PCDH9: variants seen among roughly 807,000 people sequenced by gnomAD.
PCDH9 encodes protocadherin-9.
In PCDH9, 24 loss-of-function variants were observed where a neutral mutation model predicts 70.6. The ratio of observed to expected loss-of-function variants is 0.34; its 90% CI spans 0.25 to 0.48. The LOEUF is 0.48. PCDH9 is among the 20% of genes least tolerant of loss of function. PCDH9 has a pLI of 0.99. For missense variants in PCDH9, 1,281 were observed against 1,503.6 expected, an observed-to-expected ratio of 0.85 and a Z score of 2.45; for synonymous variants, 562 against 558.5, an observed-to-expected ratio of 1.01 and a Z score of -0.09.
intron 2 of PCDH9, among the ~76,000 whole-genome samples, chr13:67,030,271 C>T (rs987720639): frequency 6.6e-6 from 1 of 152,056 alleles, no homozygotes; most frequent in African/African-American, 2.4e-5. Context: ...TCTAGCAATT[C>T]AGAATTCTTA....
intron 4 of PCDH9, among the ~76,000 whole-genome samples, chr13:66,388,785 G>C (rs932658523): frequency 1.3e-5 from 2 of 151,912 alleles, no homozygotes; most frequent in Admixed American, 1.3e-4. Context: ...CACAAATGTG[G>C]TCAGGCAAGT....
intron 3 of PCDH9, among the ~76,000 whole-genome samples, chr13:66,654,860 C>T (rs1405522531): frequency 2.2e-5 from 3 of 136,950 alleles, no homozygotes; most frequent in African/African-American, 8.2e-5. Context: ...AGGGGTATGC[C>T]ACAATGCTCA....
At chr13:67,026,503 T>C (rs155012) in intron 2 of PCDH9, among the ~76,000 whole-genome samples, 147,088 of 152,114 alleles carry the variant, frequency 0.97, 71,313 homozygotes, top group East Asian at 1. Context: ...AAAACTGGCA[T>C]CAGACAGGGA....
intron 2 of PCDH9, among the ~76,000 whole-genome samples, chr13:67,176,512 A>G (rs2088462058): frequency 6.8e-6 from 1 of 147,042 alleles, no homozygotes; most frequent in South Asian, 2.1e-4. Context: ...GGTTTTCAAA[A>G]ATAAAAATAA....
intron 3 of PCDH9, among the ~76,000 whole-genome samples, chr13:66,752,817 T>C (rs2079481227): frequency 6.6e-6 from 1 of 152,200 alleles, no homozygotes; most frequent in Non-Finnish European, 1.5e-5. Flanking sequence ...TTAGACTTGA[T>C]GTTCAGAAAA....
At chr13:66,775,985 CCATGCAA>C (rs2079886052) in intron 3 of PCDH9, among the ~76,000 whole-genome samples, 1 of 152,138 alleles carries the variant, frequency 6.6e-6, no homozygotes, top group African/African-American at 2.4e-5. Flanking sequence ...GTTGGAGGCC[CCATGCAA>C]CTGCTTCTGC....
chr13:67,092,871 C>T (rs2086245384), intron 2 of PCDH9, among the ~76,000 whole-genome samples: 1 of 152,098 alleles, frequency 6.6e-6, no homozygotes, highest in Admixed American at 6.6e-5. Flanking sequence ...TTAAGCATTT[C>T]CGAGGCCCAG....
chr13:66,727,183 G>A (rs558116550), intron 3 of PCDH9, among the ~76,000 whole-genome samples: 1 of 152,208 alleles, frequency 6.6e-6, no homozygotes, highest in South Asian at 2.1e-4. Context: ...AATATCCCCT[G>A]AGCCCAGTCC....
chr13:67,071,468 T>C (rs1296481473), intron 2 of PCDH9, among the ~76,000 whole-genome samples: 1 of 152,170 alleles, frequency 6.6e-6, no homozygotes, highest in African/African-American at 2.4e-5. Context: ...TTTGGTACTA[T>C]CTATCAAAAC....
At chr13:66,960,074 G>C (rs917012586) in intron 2 of PCDH9, among the ~76,000 whole-genome samples, 1 of 152,148 alleles carries the variant, frequency 6.6e-6, no homozygotes, top group East Asian at 1.9e-4. Context: ...TGAAAGCTTT[G>C]TTTGCAAATT....
chr13:66,763,832 G>T (rs2079667132), intron 3 of PCDH9, among the ~76,000 whole-genome samples: 1 of 151,908 alleles, frequency 6.6e-6, no homozygotes, highest in Non-Finnish European at 1.5e-5. Flanking sequence ...GTCCTGATCT[G>T]TCATCCAGCA....
At chr13:66,947,895 G>C (rs1024417366) in intron 2 of PCDH9, among the ~76,000 whole-genome samples, 27 of 152,068 alleles carry the variant, frequency 1.8e-4, no homozygotes, top group African/African-American at 6.5e-4. Context: ...CAGTGAGTTG[G>C]ATGAACTGAA....
At chr13:66,505,713 A>G (rs1302143950) in intron 4 of PCDH9, among the ~76,000 whole-genome samples, 1 of 152,188 alleles carries the variant, frequency 6.6e-6, no homozygotes, top group Non-Finnish European at 1.5e-5. Flanking sequence ...CGAGAACAGC[A>G]CAGGAAAGAC....
chr13:66,574,980 C>T (rs1028245211), intron 4 of PCDH9, among the ~76,000 whole-genome samples: 1 of 152,074 alleles, frequency 6.6e-6, no homozygotes, highest in African/African-American at 2.4e-5. Context: ...CGAGACCAAC[C>T]TGGCCAACAT....
chr13:66,780,278 A>C (rs995022836), intron 3 of PCDH9, among the ~76,000 whole-genome samples: 1 of 152,092 alleles, frequency 6.6e-6, no homozygotes, highest in African/African-American at 2.4e-5. Context: ...AAGCAAATCT[A>C]TTTTTTGCCT....
chr13:66,722,321 G>A (rs955882407), intron 3 of PCDH9, among the ~76,000 whole-genome samples: 12 of 152,280 alleles, frequency 7.9e-5, no homozygotes, highest in Non-Finnish European at 1.5e-4. Context: ...AATAATAATG[G>A]CTAGCACATA....
intron 4 of PCDH9, among the ~76,000 whole-genome samples, chr13:66,460,210 T>A (rs933085186): frequency 4.0e-5 from 6 of 151,814 alleles, no homozygotes; most frequent in African/African-American, 1.4e-4. Flanking sequence ...CACTATCAAG[T>A]AAAACTATGC....
At chr13:67,030,077 CTTTA>C (rs943790862) in intron 2 of PCDH9, among the ~76,000 whole-genome samples, 2 of 151,918 alleles carry the variant, frequency 1.3e-5, no homozygotes, top group Non-Finnish European at 2.9e-5. Flanking sequence ...GGAGCTATAG[CTTTA>C]TTTATTTATT....
At chr13:66,811,743 T>A (rs1288346632) in intron 3 of PCDH9, among the ~76,000 whole-genome samples, 1 of 110,412 alleles carries the variant, frequency 9.1e-6, no homozygotes, top group African/African-American at 3.5e-5. Context: ...TCTCCTTCCT[T>A]CCTTCCTTTC....
Sources: allele counts gnomAD v4.1 joint callset (sites outside exome capture counted in the v4.1 genomes callset), GRCh38; gene constraint gnomAD v4.1.1; transcripts MANE v1.5; gene names NCBI Gene and HGNC (gene_info 2026-07-23, HGNC 2026-07-21).